The following NDUFB6 variants were observed in gnomAD, a reference collection of about 807,000 sequenced individuals.
NDUFB6 encodes the protein NADH:ubiquinone oxidoreductase subunit B6.
Under a neutral mutation model 17.5 loss-of-function variants are expected in NDUFB6, and 23 were observed. The ratio of observed to expected loss-of-function variants is 1.31; its 90% CI spans 0.94 to 1.86. The LOEUF is 1.86. Ranked by LOEUF, NDUFB6 falls within the 40% of genes most tolerant of loss-of-function variation. The probability of loss-of-function intolerance (pLI) is 0.00; values close to 1 mark genes in which losing one functional copy is unlikely to be tolerated. For synonymous variants in NDUFB6, 60 were observed against 53.5 expected, an observed-to-expected ratio of 1.12 and a Z score of -0.53; for missense variants, 167 against 153.8, an observed-to-expected ratio of 1.09 and a Z score of -0.46.
At position 32,571,000 on chromosome 9, in the gene NDUFB6, G is replaced by C. The variant is rs1464618163; in HGVS notation, c.233C>G (p.Pro78Arg). 6.2e-7 allele frequency: 1 copy of C among 1,604,690 alleles called. No individual in the cohort carries two copies. Among genetic ancestry groups the C allele is most frequent in the Non-Finnish European group, 8.5e-7 (1 of 1,174,432 alleles). ...CATGTAATAATGAATAATCCAGACA[G>C]GTACAAGTACATGAGTGAAAACAAA... ...SIFVFTHVLVPVWIIHYYMKY... is the reference protein window; with the variant it reads ...SIFVFTHVLVRVWIIHYYMKY... Residue 78 changes from proline (P) to arginine (R), a missense_variant, in exon 2 of 4, where the codon CCT becomes CGT. Physicochemically the swap from Pro to Arg is moderately radical, Grantham distance 103 (BLOSUM62 -2). Coordinates refer to ENST00000379847, the MANE Select transcript of NDUFB6 (RefSeq NM_002493.5).
chr9:32,560,690 T>G (rs1362176915), intron 2 of NDUFB6, among the ~76,000 whole-genome samples: 2 of 152,184 alleles, frequency 1.3e-5, no homozygotes, highest in African/African-American at 2.4e-5. Context: ...ACACACAAAA[T>G]GTATAAATAC....
intron 2 of NDUFB6, among the ~76,000 whole-genome samples, chr9:32,565,907 G>A (rs1821771523): frequency 6.6e-6 from 1 of 152,150 alleles, no homozygotes; most frequent in Non-Finnish European, 1.5e-5. Context: ...GGGAGGCGGA[G>A]GTTGCAGTGA....
intron 2 of NDUFB6, chr9:32,565,753 C>CTCAG (rs923527231): frequency 6.5e-6 from 1 of 154,112 alleles, no homozygotes; most frequent in Admixed American, 6.5e-5. Flanking sequence ...AGGTGGATCA[C>CTCAG]CTGAGGTCAG....
At chr9:32,567,136 A>C (rs2119029538) in intron 2 of NDUFB6, 1 of 478,880 alleles carries the variant, frequency 2.1e-6, no homozygotes, top group South Asian at 1.5e-5. Context: ...CTGCAGATGT[A>C]CTCAACGCCT....
chr9:32,564,014 C>T (rs1821706024), intron 2 of NDUFB6, among the ~76,000 whole-genome samples: 1 of 152,134 alleles, frequency 6.6e-6, no homozygotes, highest in African/African-American at 2.4e-5. Flanking sequence ...GCTCTGGGTC[C>T]TTTCAGTGCA....
At chr9:32,562,209 C>CCTAT (rs1368027672) in intron 2 of NDUFB6, among the ~76,000 whole-genome samples, 1 of 152,176 alleles carries the variant, frequency 6.6e-6, no homozygotes, top group East Asian at 1.9e-4. Context: ...CCAAATTATA[C>CCTAT]CTATCTTCCA....
chr9:32,570,844 G>A (rs1229107735), intron 2 of NDUFB6, 116 bp downstream of exon 2: 2 of 599,928 alleles, frequency 3.3e-6, no homozygotes, highest in Non-Finnish European at 5.6e-6. Context: ...AGAATTCAAA[G>A]TACTTCAAAA....
intron 2 of NDUFB6, among the ~76,000 whole-genome samples, chr9:32,564,543 TTAAA>T (rs1206590457): frequency 1.3e-5 from 2 of 152,028 alleles, no homozygotes; most frequent in South Asian, 2.1e-4. Context: ...TAACATGTCA[TTAAA>T]TAAATGCCCA....
intron 2 of NDUFB6, among the ~76,000 whole-genome samples, chr9:32,565,806 T>C: frequency 6.6e-6 from 1 of 152,098 alleles, no homozygotes; most frequent in East Asian, 1.9e-4. Flanking sequence ...ACCCTGTCTC[T>C]ACTAAAAATA....
In NDUFB6 at chr9:32,553,939, A is replaced by G. The variant is rs1333570253; in HGVS notation, c.324T>C (p.Asp108=). Reference sequence around the variant, plus strand: ...TTACTTCTCCAGTCTCCAGAATTGTATCACCCTAGGAAAACAAAGATACAG... The same window carrying G: ...TTACTTCTCCAGTCTCCAGAATTGTGTCACCCTAGGAAAACAAAGATACAG... ...VEKKSRIFPG[D]TILETGEVIP... is the part of the protein sequence containing the mutation. Residue 108 remains aspartate, a synonymous_variant, in exon 4 of 4, where the codon GAT becomes GAC. Transcript: ENST00000379847. 3 of 1,588,616 alleles carry G rather than the reference A, an allele frequency of 1.9e-6. No individual in the cohort carries two copies. The highest frequency in any genetic ancestry group is 2.6e-6 in the Non-Finnish European group (3 of 1,158,448).
intron 2 of NDUFB6, chr9:32,567,366 T>C (rs1411794413): frequency 2.1e-6 from 1 of 468,052 alleles, no homozygotes; most frequent in African/African-American, 2.0e-5. Flanking sequence ...AGATGGAGTC[T>C]CGCTCTGTCA....
intron 2 of NDUFB6, chr9:32,566,559 T>C (rs1821796127): frequency 1.3e-6 from 1 of 778,836 alleles, no homozygotes; most frequent in South Asian, 1.4e-5. Flanking sequence ...GCCGTCGTAC[T>C]GCACAGACTG....
At position 32,553,972 on chromosome 9, in the gene NDUFB6, A is replaced by G. The variant is rs1821381230; in HGVS notation, c.319-28T>C. The G allele has an allele frequency of 4.2e-6, 6 of 1,434,898 alleles. No individual in the cohort carries two copies. The African/African-American group carries it at 4.3e-5, about 10-fold the overall frequency. 88.9% of individuals were successfully genotyped at this position (1,434,898 alleles called of 1,614,324 possible). A position where few individuals can be genotyped will look rare whatever the true frequency, so the allele number is the denominator to read the frequency against. On this transcript the variant is annotated intron_variant, in intron 3 of 3. Transcript: ENST00000379847. ...AGGAAAACAAAGATACAGTTAGTAC[A>G]AAAATCTTAAGTCTACAGAGGTGAT... is the stretch of plus-strand genomic sequence containing the variant.
rs545123851 is a variant in NDUFB6 at position 32,553,316 on chromosome 9, G to C, written c.*560C>G. ...CCAATCTCGTGCCTCAGCCTCCGCAGTAGCTGGGACTACAGGAGCCCGCCA... is the reference window on the plus strand; with the variant it reads ...CCAATCTCGTGCCTCAGCCTCCGCACTAGCTGGGACTACAGGAGCCCGCCA... On this transcript the variant is annotated 3_prime_UTR_variant, in exon 4 of 4. Transcript: ENST00000379847. The C allele has an allele frequency of 7.4e-4, 128 of 174,030 alleles. No homozygotes were observed. The highest frequency in any genetic ancestry group is 1.1e-3 in the Admixed American group (19 of 16,948). The allele number at this position is 174,030 out of a possible 1,614,324, so 10.8% of individuals were successfully genotyped here.
At chr9:32,568,324 C>T (rs532904440) in intron 2 of NDUFB6, 26 of 197,560 alleles carry the variant, frequency 1.3e-4, no homozygotes, top group African/African-American at 5.4e-4. Context: ...GACCATGTGA[C>T]TGAAGTGCCT....
At chr9:32,566,280 G>C in intron 2 of NDUFB6, 7 of 1,152,314 alleles carry the variant, frequency 6.1e-6, no homozygotes, top group Non-Finnish European at 9.2e-6. Flanking sequence ...CTCTGAGGTA[G>C]AAAGCAGGCC....
At chr9:32,566,505 T>C in intron 2 of NDUFB6, 1 of 778,148 alleles carries the variant, frequency 1.3e-6, no homozygotes, top group South Asian at 1.4e-5. Context: ...AGCCTTCCGG[T>C]GTGCAGAGAC....
intron 2 of NDUFB6, among the ~76,000 whole-genome samples, chr9:32,570,567 GAACAGAA>G (rs367802333): frequency 2.3e-4 from 35 of 152,036 alleles, no homozygotes; most frequent in African/African-American, 8.0e-4. Context: ...AAAATGAAGG[GAACAGAA>G]ATTGGGTGAT....
chr9:32,566,660 G>A, intron 2 of NDUFB6: 1 of 805,996 alleles, frequency 1.2e-6, no homozygotes, highest in South Asian at 1.3e-5. Context: ...CCTCTCTCAG[G>A]TAACTCCGGA....
Sources: allele counts gnomAD v4.1 joint callset (sites outside exome capture counted in the v4.1 genomes callset), GRCh38; gene constraint gnomAD v4.1.1; transcripts MANE v1.5; gene names NCBI Gene and HGNC (gene_info 2026-07-23, HGNC 2026-07-21).